SASS6: variants seen among roughly 807,000 people sequenced by gnomAD.
SASS6 encodes the protein spindle assembly abnormal protein 6 homolog.
A neutral mutation model predicts 94.9 loss-of-function variants in SASS6; 59 were observed. The observed-to-expected ratio is 0.62, with a 90% CI of 0.50 to 0.77. The LOEUF is 0.77. Among genes scored for constraint, SASS6 ranks in the 30% least tolerant of loss-of-function variants. The pLI is 0.00. For missense variants in SASS6, 698 were observed against 734.1 expected (o/e 0.95, Z 0.57); for synonymous variants, 264 against 270.0 (o/e 0.98, Z 0.22).
chr1:100,120,515 G>C (rs1654112511), intron 5 of SASS6, 56 bp from the exon 6 acceptor site: 1 of 797,914 alleles, frequency 1.3e-6, no homozygotes, highest in Non-Finnish European at 2.2e-6. Flanking sequence ...CTATAGCCAT[G>C]CTACTCAAAG....
chr1:100,121,386 A>C lies in SASS6; in HGVS notation c.475T>G (p.Cys159Gly), dbSNP rs776420932. 2.8e-5 allele frequency: 44 copies of C among 1,566,830 alleles called. No homozygotes were observed. The highest frequency in any genetic ancestry group is 3.7e-5 in the Non-Finnish European group (43 of 1,160,870). Reference sequence around the variant, plus strand: ...TTAAATTTAAATCTTACCTTGCTACATTTCAAACAGCCTGCGAGAAATTTC... The same window carrying C: ...TTAAATTTAAATCTTACCTTGCTACCTTTCAAACAGCCTGCGAGAAATTTC... ...IKKFLAGCLK[C>G]SKEEKLSLMQ... The change falls in exon 5 of 17, where the codon TGT becomes GGT. Residue 159 changes from cysteine to glycine, a missense_variant. Coordinates refer to ENST00000287482, the MANE Select transcript of SASS6 (RefSeq NM_194292.3).
chr1:100,099,191 C>A (rs1405596870), intron 14 of SASS6: 1 of 152,648 alleles, frequency 6.6e-6, no homozygotes, highest in Non-Finnish European at 1.5e-5. Flanking sequence ...GGGCCAAACA[C>A]TACCAAGATA....
chr1:100,130,489 T>C (rs907068490), intron 1 of SASS6, among the ~76,000 whole-genome samples: 6 of 152,098 alleles, frequency 3.9e-5, no homozygotes, highest in South Asian at 2.1e-4. Flanking sequence ...AAGACCAGCC[T>C]GGGCAATACA....
intron 13 of SASS6, among the ~76,000 whole-genome samples, chr1:100,103,505 A>G (rs191095218): frequency 1.3e-5 from 2 of 152,334 alleles, no homozygotes; most frequent in South Asian, 2.1e-4. Flanking sequence ...ACTAATTGAG[A>G]CAGTAATTGG....
chr1:100,108,643 C>T (rs184235285), intron 8 of SASS6, among the ~76,000 whole-genome samples: 1 of 152,156 alleles, frequency 6.6e-6, no homozygotes, highest in East Asian at 1.9e-4. Flanking sequence ...TAGTTCTTAA[C>T]CAAAGTTTCC....
At position 100,107,363 on chromosome 1, in the gene SASS6, A is replaced by G; in HGVS notation, c.1326+11T>C. 6.5e-7 allele frequency: 1 copy of G among 1,528,412 alleles called. No homozygotes were observed. The highest frequency in any genetic ancestry group is 8.9e-7 in the Non-Finnish European group (1 of 1,126,268). 94.7% of individuals were successfully genotyped at this position (1,528,412 alleles called of 1,614,324 possible). On this transcript the variant is annotated intron_variant, in intron 11 of 16. Transcript: ENST00000287482. ...TTTAGTTACAACATAAAAATTTAAA[A>G]TATTAACTACCTCTTGCTCTTTAAT...
rs1651228681 is a variant in SASS6 at position 100,086,093 on chromosome 1, A to T, written c.1773-463T>A. On this transcript the variant is annotated intron_variant, in intron 15 of 16. Coordinates refer to ENST00000287482, the MANE Select transcript of SASS6 (RefSeq NM_194292.3). ...TTACACAATAAATTCTGATCAAATT[A>T]ATACAAATGAGAAAATCTGGGGGAG... 2.0e-5 allele frequency among the ~76,000 whole-genome samples: 3 copies of T among 152,280 alleles called. No individual in the cohort carries two copies. In the South Asian group the frequency reaches 6.2e-4, roughly 32 times the overall value.
At chr1:100,098,624 T>C (rs1212489832) in intron 14 of SASS6, among the ~76,000 whole-genome samples, 1 of 150,396 alleles carries the variant, frequency 6.6e-6, no homozygotes, top group African/African-American at 2.4e-5. Flanking sequence ...GCCACCGAGA[T>C]GTATGCACAA....
chr1:100,100,900 C>T (rs140621973), intron 14 of SASS6, among the ~76,000 whole-genome samples: 5 of 152,244 alleles, frequency 3.3e-5, no homozygotes, highest in Non-Finnish European at 7.4e-5. Flanking sequence ...GTAATTAGGA[C>T]CATTCACTGA....
Position 100,107,723 on chromosome 1 carries a change from A to G in SASS6, c.1057-6T>C. The G allele has an allele frequency of 6.3e-7, 1 of 1,581,910 alleles. No individual in the cohort carries two copies. Among genetic ancestry groups the G allele is most frequent in the Non-Finnish European group, 8.6e-7 (1 of 1,157,872 alleles). Reference sequence around the variant, plus strand: ...CCATTTTCTTCTAAAACCACCTGATATATTTTTTAAAAACATGAATAATTA... The same window carrying G: ...CCATTTTCTTCTAAAACCACCTGATGTATTTTTTAAAAACATGAATAATTA... On this transcript the variant is annotated splice_region_variant and splice_polypyrimidine_tract_variant and intron_variant, in intron 9 of 16. Transcript: ENST00000287482.
rs1487145674 is a variant in SASS6 at position 100,085,332 on chromosome 1, C to T, written c.1970G>A (p.Ser657Asn). Residue 657 changes from serine to asparagine, a missense_variant, in exon 17 of 17, where the codon AGT becomes AAT. Coordinates refer to ENST00000287482, the MANE Select transcript of SASS6 (RefSeq NM_194292.3). ...SAYFPGQLPN[S>N] The stretch of plus-strand genomic sequence containing the variant: ...AAGTAAAACATGACACTAGAATTAA[C>T]TGTTTGGTAACTGCCCAGGGAAATA... 4 of 1,598,010 alleles carry T rather than the reference C, an allele frequency of 2.5e-6. No homozygotes were observed. Among genetic ancestry groups the T allele is most frequent in the Non-Finnish European group, 3.4e-6 (4 of 1,165,568 alleles).
At chr1:100,124,883 T>G (rs1257045587) in intron 2 of SASS6, among the ~76,000 whole-genome samples, 1 of 152,168 alleles carries the variant, frequency 6.6e-6, no homozygotes, top group Non-Finnish European at 1.5e-5. Flanking sequence ...CAATAGGGTT[T>G]GCACTCCTAT....
In SASS6 at chr1:100,085,604, T is replaced by C. The variant is rs1289637494; in HGVS notation, c.1799A>G (p.Lys600Arg). 2 of 1,611,610 alleles carry C rather than the reference T, an allele frequency of 1.2e-6. No individual in the cohort carries two copies. The highest frequency in any genetic ancestry group is 1.3e-5 in the African/African-American group (1 of 74,996). Reference sequence around the variant, plus strand: ...GCTATCTTCCCTTTTCTTCAGGTATTTGGATTCCAACCCTACATTTTCACC... The same window carrying C: ...GCTATCTTCCCTTTTCTTCAGGTATCTGGATTCCAACCCTACATTTTCACC... ...ENGENVGLES[K>R]YLKKREDSIP... Residue 600 changes from lysine (K) to arginine (R), a missense_variant, in exon 16 of 17, where the codon AAA (lysine) becomes AGA (arginine). By Grantham distance (26) the Lys-to-Arg change is conservative. Coordinates refer to ENST00000287482, the MANE Select transcript of SASS6 (RefSeq NM_194292.3).
chr1:100,117,123 G>A (rs771608565), intron 7 of SASS6, among the ~76,000 whole-genome samples: 15 of 151,240 alleles, frequency 9.9e-5, no homozygotes, highest in African/African-American at 2.9e-4. Flanking sequence ...GTGAAACCCC[G>A]TCTTCACTAA....
chr1:100,107,057 GTATTAT>G lies in SASS6; in HGVS notation c.1327-70_1327-65del, dbSNP rs528746401. 3.4e-4 allele frequency: 234 copies of G among 694,194 alleles called. 1 individual carries two copies. In the East Asian group the frequency reaches 6.2e-3, roughly 18 times the overall value. The allele number at this position is 694,194 out of a possible 1,614,324, so 43.0% of individuals were successfully genotyped here. A position where few individuals can be genotyped will look rare whatever the true frequency, so the allele number is the denominator to read the frequency against. ...AAAGGTTAAATAAAAACTGAAGAAT[GTATTAT>G]TATTAACTAAATAATTACATAAATG... On this transcript the variant is annotated intron_variant, in intron 11 of 16. Coordinates refer to ENST00000287482, the MANE Select transcript of SASS6 (RefSeq NM_194292.3).
At chr1:100,129,251 T>A (rs907522859) in intron 1 of SASS6, among the ~76,000 whole-genome samples, 3 of 149,506 alleles carry the variant, frequency 2.0e-5, no homozygotes, top group Non-Finnish European at 3.0e-5. Context: ...AAAAAAAAAA[T>A]AATAATTTTT....
At chr1:100,125,669 C>CAAAAAAA (rs11299065) in intron 2 of SASS6, among the ~76,000 whole-genome samples, 2 of 80,358 alleles carry the variant, frequency 2.5e-5, no homozygotes, top group Non-Finnish European at 5.2e-5. Flanking sequence ...GACTCCATCT[C>CAAAAAAA]AAAAAAAAAA....
chr1:100,100,615 T>C (rs562836402), intron 14 of SASS6, among the ~76,000 whole-genome samples: 1 of 152,378 alleles, frequency 6.6e-6, no homozygotes, highest in South Asian at 2.1e-4. Context: ...TTCAGCATTA[T>C]TTTGTTTCTT....
chr1:100,118,067 C>T (rs541284091), intron 7 of SASS6, among the ~76,000 whole-genome samples: 83 of 152,254 alleles, frequency 5.5e-4, no homozygotes, highest in Middle Eastern at 3.4e-3. Context: ...TGCCTGTAAT[C>T]CCAGCACTTT....
Sources: gnomAD v4.1 joint callset for allele counts (sites outside exome capture counted in the v4.1 genomes callset) on GRCh38, gnomAD v4.1.1 for gene constraint, MANE v1.5 for transcripts, NCBI Gene and HGNC (gene_info 2026-07-23, HGNC 2026-07-21) for gene names.